Variants in KCNMA1 observed in about 807,000 individuals in gnomAD.
KCNMA1 encodes the protein potassium calcium-activated channel subfamily M alpha 1.
A neutral mutation model predicts 140.0 loss-of-function variants in KCNMA1; 29 were observed. The ratio of observed to expected loss-of-function variants is 0.21; its 90% CI spans 0.15 to 0.28. KCNMA1 has a LOEUF of 0.28. Ranked by LOEUF, KCNMA1 falls within the 10% of genes least tolerant of loss-of-function variation. KCNMA1 has a pLI of 1.00. For synonymous variants in KCNMA1, 612 were observed against 611.9 expected, an observed-to-expected ratio of 1.00 and a Z score of 0.00; for missense variants, 880 against 1,602.2, an observed-to-expected ratio of 0.55 and a Z score of 7.70.
At chr10:77,465,329 G>T (rs2097969539) in intron 1 of KCNMA1, among the ~76,000 whole-genome samples, 1 of 152,172 alleles carries the variant, frequency 6.6e-6, no homozygotes, top group South Asian at 2.1e-4. Context: ...GCTATGGAGG[G>T]TGTTTTAATG....
rs190170708 is a variant in KCNMA1 at position 77,002,269 on chromosome 10, C to T, written c.2093-689G>A. On this transcript the variant is annotated intron_variant, in intron 18 of 27. Transcript: ENST00000286628. Reference sequence around the variant, plus strand: ...AAGAAATGCAGCTACTCAAGACTAACGCTGCAGATTTGACATTAAAGGCAG... The same window carrying T: ...AAGAAATGCAGCTACTCAAGACTAATGCTGCAGATTTGACATTAAAGGCAG... Among the ~76,000 whole-genome samples, 20 of 152,240 alleles carry T rather than the reference C, an allele frequency of 1.3e-4. No homozygotes were observed. In the East Asian group the frequency reaches 2.9e-3, roughly 22 times the overall value.
Position 77,084,541 on chromosome 10 carries a change from G to A in KCNMA1, c.1523+96C>T, listed in dbSNP as rs2096651317. 7.6e-6 allele frequency: 7 copies of A among 922,414 alleles called. No individual in the cohort carries two copies. In the East Asian group the frequency reaches 1.0e-4, roughly 14 times the overall value. 57.1% of individuals were successfully genotyped at this position (922,414 alleles called of 1,614,324 possible). A position where few individuals can be genotyped will look rare whatever the true frequency, so the allele number is the denominator to read the frequency against. ...GTACAGTGGCTTGTGGGGCAAAAAGGCCTCATAGAGATAGTCCTCTGCAGA... is the reference window on the plus strand; with the variant it reads ...GTACAGTGGCTTGTGGGGCAAAAAGACCTCATAGAGATAGTCCTCTGCAGA... On this transcript the variant is annotated intron_variant, in intron 12 of 27. Transcript: ENST00000286628.
chr10:77,152,685 G>A (rs2098438178), intron 5 of KCNMA1, among the ~76,000 whole-genome samples: 1 of 152,246 alleles, frequency 6.6e-6, no homozygotes, highest in South Asian at 2.1e-4. Flanking sequence ...CCTGTAGACA[G>A]GCCCACAAGC....
intron 1 of KCNMA1, among the ~76,000 whole-genome samples, chr10:77,607,094 G>A: frequency 6.6e-6 from 1 of 152,210 alleles, no homozygotes; most frequent in Middle Eastern, 3.2e-3. Context: ...TTATCAGATA[G>A]GAAGGGAAAA....
In KCNMA1 at chr10:76,885,536, C is replaced by CA. The variant is rs2036516644; in HGVS notation, c.*1729dup. On this transcript the variant is annotated 3_prime_UTR_variant, in exon 28 of 28. Transcript: ENST00000286628. ...ATCATGCTTGAGGGGACGGGGGATC[C>CA]AAAATCTAAATCCAAAACATTCACC... The CA allele has an allele frequency of 1.0e-6, 1 of 985,092 alleles. No individual in the cohort carries two copies. Among genetic ancestry groups the CA allele is most frequent in the African/African-American group, 1.7e-5 (1 of 57,164 alleles). 61.0% of individuals were successfully genotyped at this position (985,092 alleles called of 1,614,324 possible). A position where few individuals can be genotyped will look rare whatever the true frequency, so the allele number is the denominator to read the frequency against.
intron 1 of KCNMA1, among the ~76,000 whole-genome samples, chr10:77,434,642 A>G (rs1047805190): frequency 6.6e-5 from 10 of 152,208 alleles, no homozygotes; most frequent in Non-Finnish European, 1.5e-4. Flanking sequence ...TGCTCCATCA[A>G]TACGGGTGAA....
At chr10:77,145,224 C>T (rs1253434124) in intron 5 of KCNMA1, among the ~76,000 whole-genome samples, 37 of 152,164 alleles carry the variant, frequency 2.4e-4, no homozygotes, top group Non-Finnish European at 8.8e-5. Context: ...TCTCCACATA[C>T]GAGCCACATG....
chr10:77,005,962 G>A (rs1180287956), intron 18 of KCNMA1, among the ~76,000 whole-genome samples: 2 of 152,188 alleles, frequency 1.3e-5, no homozygotes, highest in Non-Finnish European at 2.9e-5. Context: ...AAAGTGGCTG[G>A]TGAAGATGCA....
chr10:77,630,934 C>T (rs964708604), intron 1 of KCNMA1, among the ~76,000 whole-genome samples: 1 of 151,494 alleles, frequency 6.6e-6, no homozygotes, highest in Non-Finnish European at 1.5e-5. Flanking sequence ...AGGGAGACCC[C>T]ATCTCTGTAA....
intron 6 of KCNMA1, among the ~76,000 whole-genome samples, 187 bp downstream of exon 6, chr10:77,120,786 C>T (rs1203256472): frequency 6.6e-6 from 1 of 152,130 alleles, no homozygotes; most frequent in Admixed American, 6.5e-5. Flanking sequence ...CCACATAGTT[C>T]CCTGGCCCTG....
intron 2 of KCNMA1, among the ~76,000 whole-genome samples, chr10:77,348,331 A>C (rs1566143230): frequency 6.6e-6 from 1 of 152,162 alleles, no homozygotes; most frequent in Non-Finnish European, 1.5e-5. Context: ...CACAAAGTAA[A>C]ACCCAAAGAA....
At chr10:77,314,783 G>C (rs1335235686) in intron 2 of KCNMA1, among the ~76,000 whole-genome samples, 4 of 152,160 alleles carry the variant, frequency 2.6e-5, no homozygotes, top group East Asian at 3.9e-4. Context: ...CATCCACCTA[G>C]CAGGGTAATT....
chr10:77,091,533 G>C (rs982749930), intron 9 of KCNMA1: 3 of 152,218 alleles, frequency 2.0e-5, no homozygotes, highest in African/African-American at 7.2e-5. Context: ...ACTGACTGTG[G>C]AGATAAAACC....
At chr10:76,974,367 C>T in intron 19 of KCNMA1, 1 of 542,720 alleles carries the variant, frequency 1.8e-6, no homozygotes, top group Admixed American at 3.7e-5. Flanking sequence ...AAGCTAAGTG[C>T]AAGCTGAAAT....
chr10:77,625,238 G>A (rs1269635117), intron 1 of KCNMA1, among the ~76,000 whole-genome samples: 1 of 152,172 alleles, frequency 6.6e-6, no homozygotes, highest in African/African-American at 2.4e-5. Flanking sequence ...AAAGTTAGCT[G>A]GGCGTGGTGG....
chr10:76,891,321 G>A (rs893698801), intron 26 of KCNMA1: 3 of 604,946 alleles, frequency 5.0e-6, no homozygotes, highest in Non-Finnish European at 8.9e-6. Flanking sequence ...TCAAAGGGTT[G>A]CTATGAAGAT....
intron 3 of KCNMA1, among the ~76,000 whole-genome samples, chr10:77,185,133 G>T (rs988033403): frequency 4.6e-5 from 7 of 151,928 alleles, no homozygotes; most frequent in Non-Finnish European, 1.5e-5. Flanking sequence ...TTTATTTATT[G>T]TTTTCGAAAT....
At chr10:76,917,503 A>G (rs1174790835) in intron 23 of KCNMA1, among the ~76,000 whole-genome samples, 1 of 152,194 alleles carries the variant, frequency 6.6e-6, no homozygotes, top group African/African-American at 2.4e-5. Context: ...CTTCATTTGG[A>G]AATGACATGC....
At chr10:77,554,996 C>T (rs984840890) in intron 1 of KCNMA1, among the ~76,000 whole-genome samples, 2 of 151,994 alleles carry the variant, frequency 1.3e-5, no homozygotes, top group Admixed American at 6.6e-5. Context: ...TCAGAAGAAC[C>T]GTTCATAATG....
Sources: allele counts gnomAD v4.1 joint callset (sites outside exome capture counted in the v4.1 genomes callset), GRCh38; gene constraint gnomAD v4.1.1; transcripts MANE v1.5; gene names NCBI Gene and HGNC (gene_info 2026-07-23, HGNC 2026-07-21).